HSD17B3: variants seen among roughly 807,000 people sequenced by gnomAD.
HSD17B3 encodes 17-beta-hydroxysteroid dehydrogenase type 3.
In HSD17B3, 29 loss-of-function variants were observed where a neutral mutation model predicts 41.1. The ratio of observed to expected loss-of-function variants is 0.71; its 90% CI spans 0.53 to 0.96. The LOEUF (loss-of-function observed/expected upper bound fraction) is 0.96. Ranked by LOEUF, HSD17B3 falls within the 40% of genes least tolerant of loss-of-function variation. HSD17B3 has a pLI of 0.00. For missense variants in HSD17B3, 323 were observed against 374.6 expected (o/e 0.86, Z 1.14); for synonymous variants, 126 against 145.6 (o/e 0.87, Z 0.97).
At chr9:96,250,507 G>T in intron 5 of HSD17B3, 1 of 1,043,800 alleles carries the variant, frequency 9.6e-7, no homozygotes, top group Non-Finnish European at 1.2e-6. Context: ...GGGAATGGAA[G>T]CATGAGAGCC....
At chr9:96,239,864 A>G (rs1470591475) in intron 10 of HSD17B3, 3 of 152,198 alleles carry the variant, frequency 2.0e-5, no homozygotes, top group Admixed American at 6.5e-5. Context: ...GCAGTCCAGG[A>G]GTGGTAAGAG....
chr9:96,277,585 C>A (rs757988011), intron 2 of HSD17B3, among the ~76,000 whole-genome samples: 2 of 152,080 alleles, frequency 1.3e-5, no homozygotes, highest in African/African-American at 2.4e-5. Context: ...GGCGAGGATG[C>A]AGAGAAAAGG....
At chr9:96,299,747 G>C (rs1827502565) in intron 1 of HSD17B3, among the ~76,000 whole-genome samples, 1 of 152,150 alleles carries the variant, frequency 6.6e-6, no homozygotes, top group Admixed American at 6.5e-5. Context: ...TTGGGGCCCT[G>C]AGTCTATGAA....
intron 10 of HSD17B3, among the ~76,000 whole-genome samples, chr9:96,238,449 G>A (rs184659984): frequency 1.6e-4 from 25 of 152,196 alleles, no homozygotes; most frequent in African/African-American, 6.0e-4. Flanking sequence ...ATCACCTGAG[G>A]CCAAGAGTTG....
chr9:96,245,364 G>A lies in HSD17B3; in HGVS notation c.587C>T (p.Ser196Phe). The A allele has an allele frequency of 6.2e-7, 1 of 1,613,490 alleles. No homozygotes were observed. Among genetic ancestry groups the A allele is most frequent in the Non-Finnish European group, 8.5e-7 (1 of 1,179,414 alleles). ...ACTCACCTTGGAAGCTGAGTACATG[G>A]AGTAGAGAGGCCAAGGAAACAGGGC... is the stretch of plus-strand genomic sequence containing the variant. ...GIALFPWPLY[S>F]MYSASKAFVC... Residue 196 changes from serine (S) to phenylalanine (F), a missense_variant, in exon 8 of 11, where the codon TCC becomes TTC. Physicochemically the swap from Ser to Phe is radical, Grantham distance 155. Coordinates refer to ENST00000375263, the MANE Select transcript of HSD17B3 (RefSeq NM_000197.2).
chr9:96,262,205 C>T (rs1025982789), intron 2 of HSD17B3, among the ~76,000 whole-genome samples: 1 of 143,260 alleles, frequency 7.0e-6, no homozygotes, highest in Non-Finnish European at 1.5e-5. Context: ...TAGTTTCCCA[C>T]AGTGGTTGTA....
rs1437116100 is a variant in HSD17B3, at chr9:96,266,481, G to A, written c.202-11538C>T. ...GTTGGGGTCTTGCTATGTTGCCCAG[G>A]CTGGTCTCAAACTCCTGGCCTCAAG... On this transcript the variant is annotated intron_variant, in intron 2 of 10. Coordinates refer to ENST00000375263, the MANE Select transcript of HSD17B3 (RefSeq NM_000197.2). Among the ~76,000 whole-genome samples, 9 of 152,052 alleles carry A rather than the reference G, an allele frequency of 5.9e-5. No individual in the cohort carries two copies. In the East Asian group the frequency reaches 1.2e-3, roughly 20 times the overall value.
intron 2 of HSD17B3, among the ~76,000 whole-genome samples, chr9:96,286,091 C>G (rs1826907396): frequency 6.6e-6 from 1 of 152,284 alleles, no homozygotes; most frequent in South Asian, 2.1e-4. Context: ...TGCCTGTAAT[C>G]CCAGCACTTT....
At chr9:96,240,239 T>G (rs890993418) in intron 10 of HSD17B3, among the ~76,000 whole-genome samples, 5 of 151,918 alleles carry the variant, frequency 3.3e-5, no homozygotes, top group African/African-American at 4.8e-5. Flanking sequence ...TAAAGTAAAA[T>G]AAAAATGAAA....
intron 2 of HSD17B3, among the ~76,000 whole-genome samples, chr9:96,262,229 C>CTTTTTTTTTTT (rs71368240): frequency 1.1e-4 from 6 of 54,202 alleles, no homozygotes; most frequent in African/African-American, 1.6e-4. Flanking sequence ...ATGTCAATTG[C>CTTTTTTTTTTT]TTTTTTTTTT....
intron 2 of HSD17B3, among the ~76,000 whole-genome samples, chr9:96,255,273 G>C (rs546221397): frequency 6.8e-6 from 1 of 146,198 alleles, no homozygotes; most frequent in Non-Finnish European, 1.5e-5. Flanking sequence ...CTATGCATCA[G>C]AATTTAAAAT....
rs572177582 is a variant in HSD17B3, at chr9:96,245,604, G to A, written c.525-178C>T. 2.0e-5 allele frequency among the ~76,000 whole-genome samples: 3 copies of A among 152,266 alleles called. No individual in the cohort carries two copies. The South Asian group carries it at 6.2e-4, about 32-fold the overall frequency. On this transcript the variant is annotated intron_variant, in intron 7 of 10. Coordinates refer to ENST00000375263, the MANE Select transcript of HSD17B3 (RefSeq NM_000197.2). ...GAACTTCCCCTACCTTCCCCTGGAGGGCGCCACACAGAGATGTCTGGATTT... is the reference window on the plus strand; with the variant it reads ...GAACTTCCCCTACCTTCCCCTGGAGAGCGCCACACAGAGATGTCTGGATTT...
rs869145717 is a variant in HSD17B3 at position 96,255,367 on chromosome 9, C to CTTTTTTTTTTTTTTTT, written c.202-440_202-425dup. ...AAGCAGTGTTTCTGCCCCAACATTT[C>CTTTTTTTTTTTTTTTT]TTTTTTTTTTTTTTTTTTTTTTTTT... On this transcript the variant is annotated intron_variant, in intron 2 of 10. Transcript: ENST00000375263. Among the ~76,000 whole-genome samples, 66 of 54,566 alleles carry CTTTTTTTTTTTTTTTT rather than the reference C, an allele frequency of 1.2e-3. 14 individuals carry two copies. Among genetic ancestry groups the CTTTTTTTTTTTTTTTT allele is most frequent in the Middle Eastern group, 0.013 (1 of 76 alleles). The allele number at this position is 54,566 out of a possible 152,430, so 35.8% of individuals were successfully genotyped here. A position where few individuals can be genotyped will look rare whatever the true frequency, so the allele number is the denominator to read the frequency against.
chr9:96,239,689 A>G (rs1008154541), intron 10 of HSD17B3: 48 of 152,366 alleles, frequency 3.2e-4, no homozygotes, highest in African/African-American at 1.1e-3. Context: ...AGAAAAGCCA[A>G]TGAGACAGAG....
chr9:96,267,434 A>C (rs1826083237), intron 2 of HSD17B3, among the ~76,000 whole-genome samples: 1 of 152,168 alleles, frequency 6.6e-6, no homozygotes, highest in Non-Finnish European at 1.5e-5. Context: ...TTGAGATTAC[A>C]GGTGTGAGTC....
At chr9:96,264,402 CTA>C (rs1241366893) in intron 2 of HSD17B3, among the ~76,000 whole-genome samples, 1 of 151,882 alleles carries the variant, frequency 6.6e-6, no homozygotes, top group Admixed American at 6.6e-5. Flanking sequence ...ACTCAATCCT[CTA>C]TGTCTTTGAC....
intron 6 of HSD17B3, among the ~76,000 whole-genome samples, chr9:96,248,251 T>A (rs1466903455): frequency 6.6e-6 from 1 of 152,196 alleles, no homozygotes. Flanking sequence ...CAAAAAGATG[T>A]GTGTACCCAA....
chr9:96,261,302 T>G (rs1044073899), intron 2 of HSD17B3, among the ~76,000 whole-genome samples: 4 of 152,156 alleles, frequency 2.6e-5, no homozygotes, highest in Non-Finnish European at 5.9e-5. Flanking sequence ...TTCAAGGGAT[T>G]CTCCTGCCTC....
At chr9:96,282,995 T>TTG (rs1259828216) in intron 2 of HSD17B3, among the ~76,000 whole-genome samples, 75 of 84,302 alleles carry the variant, frequency 8.9e-4, no homozygotes, top group South Asian at 6.4e-3. Context: ...TTTCTTTCTT[T>TTG]TTTTTTTTTT....
Sources: gnomAD v4.1 joint callset for allele counts (sites outside exome capture counted in the v4.1 genomes callset) on GRCh38, gnomAD v4.1.1 for gene constraint, MANE v1.5 for transcripts, NCBI Gene and HGNC (gene_info 2026-07-23, HGNC 2026-07-21) for gene names.